RPS6KC1: variants seen among roughly 807,000 people sequenced by gnomAD.
RPS6KC1 encodes the protein inactive ribosomal protein S6 kinase delta-1.
RPS6KC1 carries 54 observed loss-of-function variants against 103.8 expected under a neutral mutation model. The ratio of observed to expected loss-of-function variants is 0.52; its 90% CI spans 0.42 to 0.65. The LOEUF is 0.65. RPS6KC1 is among the 30% of genes least tolerant of loss of function. The pLI is 0.00. For missense variants in RPS6KC1, 1,151 were observed against 1,253.8 expected, an observed-to-expected ratio of 0.92 and a Z score of 1.24; for synonymous variants, 439 against 438.7, an observed-to-expected ratio of 1.00 and a Z score of -0.01.
chr1:213,160,922 A>C (rs1007863785), intron 6 of RPS6KC1, among the ~76,000 whole-genome samples: 1 of 152,126 alleles, frequency 6.6e-6, no homozygotes, highest in African/African-American at 2.4e-5. Context: ...GGGTGCAGCA[A>C]ACCAACATGG....
At chr1:213,498,728 A>G in the RPS6KC1 span, among the ~76,000 whole-genome samples, 1 of 149,142 alleles carries the variant, frequency 6.7e-6, no homozygotes, top group East Asian at 2.0e-4. Context: ...TGCTGGGATT[A>G]CAGGCATGAG....
At chr1:213,729,231 A>G in the RPS6KC1 span, among the ~76,000 whole-genome samples, 445 of 152,216 alleles carry the variant, frequency 2.9e-3, 2 homozygotes, top group African/African-American at 0.01. Context: ...AGAAGTAAGC[A>G]GGTTACCTCT....
the RPS6KC1 span, among the ~76,000 whole-genome samples, chr1:213,573,521 C>T: frequency 6.6e-6 from 1 of 152,170 alleles, no homozygotes; most frequent in Non-Finnish European, 1.5e-5. Flanking sequence ...TTATCTGGGG[C>T]ATTAGCCATT....
chr1:213,753,244 G>A, the RPS6KC1 span, among the ~76,000 whole-genome samples: 1 of 152,212 alleles, frequency 6.6e-6, no homozygotes, highest in East Asian at 1.9e-4. Context: ...TAAGGTCAAA[G>A]TTATGTTAGG....
At chr1:213,781,260 G>A in the RPS6KC1 span, among the ~76,000 whole-genome samples, 1 of 152,142 alleles carries the variant, frequency 6.6e-6, no homozygotes, top group Non-Finnish European at 1.5e-5. Context: ...TAGTAGCAGG[G>A]GAATGAGAAA....
chr1:213,212,851 A>C (rs1271492420), intron 8 of RPS6KC1, among the ~76,000 whole-genome samples: 1 of 152,110 alleles, frequency 6.6e-6, no homozygotes, highest in African/African-American at 2.4e-5. Flanking sequence ...ATCTTTTTAT[A>C]TGCTTATTTG....
intron 4 of RPS6KC1, 150 bp downstream of exon 4, chr1:213,104,719 C>T: frequency 7.3e-6 from 3 of 408,706 alleles, no homozygotes; most frequent in South Asian, 4.5e-5. Flanking sequence ...GGCATATTTC[C>T]TATTTTTAGT....
chr1:213,454,357 TG>T, the RPS6KC1 span, among the ~76,000 whole-genome samples: 2 of 152,214 alleles, frequency 1.3e-5, no homozygotes, highest in Non-Finnish European at 2.9e-5. Flanking sequence ...AAGGAGAAAC[TG>T]GTTTTCTATT....
At chr1:213,469,158 C>A in the RPS6KC1 span, among the ~76,000 whole-genome samples, 83 of 152,204 alleles carry the variant, frequency 5.5e-4, no homozygotes, top group Non-Finnish European at 5.7e-4. Context: ...CATGTTGTAT[C>A]TCCAACTCCG....
intron 5 of RPS6KC1, among the ~76,000 whole-genome samples, chr1:213,126,721 A>G (rs995754019): frequency 1.3e-5 from 2 of 152,218 alleles, no homozygotes; most frequent in African/African-American, 4.8e-5. Context: ...TGTGATGGGA[A>G]AATTATAAGG....
chr1:213,618,885 A>G, the RPS6KC1 span, among the ~76,000 whole-genome samples: 1 of 152,242 alleles, frequency 6.6e-6, no homozygotes, highest in African/African-American at 2.4e-5. Context: ...AGGGATACAA[A>G]AAATAAACCT....
At chr1:213,517,336 G>C in the RPS6KC1 span, among the ~76,000 whole-genome samples, 3 of 152,102 alleles carry the variant, frequency 2.0e-5, no homozygotes, top group African/African-American at 7.2e-5. Context: ...GTCAATTTTA[G>C]ATATTTCCTG....
chr1:213,787,066 G>A, the RPS6KC1 span, among the ~76,000 whole-genome samples: 1 of 152,150 alleles, frequency 6.6e-6, no homozygotes, highest in Non-Finnish European at 1.5e-5. Context: ...AACGGCTTCT[G>A]TCCTGGATCC....
At chr1:213,782,727 C>T in the RPS6KC1 span, among the ~76,000 whole-genome samples, 1 of 152,054 alleles carries the variant, frequency 6.6e-6, no homozygotes, top group Non-Finnish European at 1.5e-5. Flanking sequence ...ACAAAAGCAA[C>T]GAGGTCATTT....
chr1:213,669,313 T>C, the RPS6KC1 span, among the ~76,000 whole-genome samples: 1 of 152,118 alleles, frequency 6.6e-6, no homozygotes, highest in Non-Finnish European at 1.5e-5. Context: ...ATGTCAGTAC[T>C]GTTGTTTTTA....
chr1:213,171,411 A>G (rs1181327446), intron 7 of RPS6KC1, among the ~76,000 whole-genome samples: 1 of 152,072 alleles, frequency 6.6e-6, no homozygotes, highest in Non-Finnish European at 1.5e-5. Flanking sequence ...TTAATGTTGA[A>G]AGAAGCTTTC....
At chr1:213,098,548 G>C (rs2081696058) in intron 3 of RPS6KC1, among the ~76,000 whole-genome samples, 1 of 152,070 alleles carries the variant, frequency 6.6e-6, no homozygotes, top group Non-Finnish European at 1.5e-5. Flanking sequence ...ATATTGTTGT[G>C]TCTCAGGGAA....
At chr1:213,742,046 A>ACCT in the RPS6KC1 span, among the ~76,000 whole-genome samples, 1 of 152,216 alleles carries the variant, frequency 6.6e-6, no homozygotes, top group African/African-American at 2.4e-5. Context: ...TCTTTGGCAT[A>ACCT]AGAGCCTAGA....
the RPS6KC1 span, among the ~76,000 whole-genome samples, chr1:213,504,769 C>A: frequency 6.6e-6 from 1 of 152,052 alleles, no homozygotes; most frequent in Admixed American, 6.6e-5. Flanking sequence ...TTGTGGGCAA[C>A]TTGTTTTTTT....
Sources: allele counts gnomAD v4.1 joint callset (sites outside exome capture counted in the v4.1 genomes callset), GRCh38; gene constraint gnomAD v4.1.1; transcripts MANE v1.5; gene names NCBI Gene and HGNC (gene_info 2026-07-23, HGNC 2026-07-21).